The following ANO3 variants were observed in gnomAD, a reference collection of about 807,000 sequenced individuals.
The protein encoded by ANO3 is anoctamin 3.
In ANO3, 99 loss-of-function variants were observed where a neutral mutation model predicts 144.8. The observed-to-expected ratio is 0.68, with a 90% confidence interval of 0.58 to 0.81. The LOEUF is 0.81. ANO3 is among the 30% of genes least tolerant of loss of function. The probability of loss-of-function intolerance (pLI) is 0.00; values close to 1 mark genes in which losing one functional copy is unlikely to be tolerated. For synonymous variants in ANO3, 414 were observed against 392.6 expected (o/e 1.05, Z -0.64); for missense variants, 905 against 1,202.2 (o/e 0.75, Z 3.66).
chr11:26,604,373 T>C (rs750333687), intron 17 of ANO3, among the ~76,000 whole-genome samples: 36 of 152,176 alleles, frequency 2.4e-4, no homozygotes, highest in Non-Finnish European at 3.4e-4. Flanking sequence ...TCTTTTTGTT[T>C]AGGATTGTCT....
At chr11:26,629,676 G>A (rs1852710205) in intron 18 of ANO3, among the ~76,000 whole-genome samples, 1 of 152,002 alleles carries the variant, frequency 6.6e-6, no homozygotes, top group Non-Finnish European at 1.5e-5. Context: ...TTGTTGCCCA[G>A]GCTGGAAGGC....
chr11:26,229,262 T>G (rs1590204982), intron 1 of ANO3, among the ~76,000 whole-genome samples: 1 of 152,332 alleles, frequency 6.6e-6, no homozygotes, highest in East Asian at 1.9e-4. Flanking sequence ...AAACATGATG[T>G]GCAACACAAT....
intron 14 of ANO3, among the ~76,000 whole-genome samples, chr11:26,588,330 G>A (rs563817333): frequency 5.7e-5 from 2 of 34,938 alleles, no homozygotes; most frequent in South Asian, 2.9e-3. Context: ...CAATTTTTCT[G>A]TATACCTTTT....
intron 1 of ANO3, among the ~76,000 whole-genome samples, chr11:26,394,413 C>T (rs1000619342): frequency 6.6e-6 from 1 of 151,936 alleles, no homozygotes; most frequent in Non-Finnish European, 1.5e-5. Context: ...CCACAAAACT[C>T]TAATGCGGCT....
At chr11:26,374,169 CT>C (rs1856339799) in intron 1 of ANO3, among the ~76,000 whole-genome samples, 1 of 152,130 alleles carries the variant, frequency 6.6e-6, no homozygotes, top group Non-Finnish European at 1.5e-5. Flanking sequence ...GGTAGACTGT[CT>C]TAATATCTAT....
chr11:26,333,443 A>C (rs1352729604), intron 1 of ANO3, among the ~76,000 whole-genome samples: 1 of 151,802 alleles, frequency 6.6e-6, no homozygotes, highest in African/African-American at 2.4e-5. Flanking sequence ...CACCAAGCCC[A>C]GCTAATTTTT....
At chr11:26,565,873 G>C (rs199701796) in intron 14 of ANO3, 1 of 1,579,150 alleles carries the variant, frequency 6.3e-7, no homozygotes, top group African/African-American at 1.4e-5. Context: ...GGCTTCTTTG[G>C]TATTGGTTTT....
chr11:26,310,363 T>G (rs1475472296), intron 1 of ANO3, among the ~76,000 whole-genome samples: 1 of 152,186 alleles, frequency 6.6e-6, no homozygotes, highest in Non-Finnish European at 1.5e-5. Context: ...AATTACATTA[T>G]CAAGGTTAGA....
intron 1 of ANO3, among the ~76,000 whole-genome samples, chr11:26,261,768 T>G (rs940857322): frequency 3.3e-5 from 5 of 152,246 alleles, no homozygotes; most frequent in African/African-American, 1.2e-4. Context: ...TTCTGAAAAT[T>G]TAAGAGTAAT....
intron 1 of ANO3, among the ~76,000 whole-genome samples, chr11:26,211,265 A>T (rs1046247063): frequency 1.3e-5 from 2 of 152,146 alleles, no homozygotes; most frequent in African/African-American, 4.8e-5. Flanking sequence ...CTACTGGGTA[A>T]ATAACGAAAT....
At chr11:26,213,734 A>G (rs920997663) in intron 1 of ANO3, among the ~76,000 whole-genome samples, 1 of 152,138 alleles carries the variant, frequency 6.6e-6, no homozygotes, top group Admixed American at 6.6e-5. Context: ...TGCTATCCCC[A>G]TCAAGCTACC....
intron 14 of ANO3, among the ~76,000 whole-genome samples, chr11:26,577,231 G>A (rs1303034801): frequency 6.6e-6 from 1 of 152,158 alleles, no homozygotes; most frequent in Non-Finnish European, 1.5e-5. Flanking sequence ...CAGAAAAATT[G>A]TCAACTGAGA....
At chr11:26,448,299 CA>C (rs11401959) in intron 3 of ANO3, among the ~76,000 whole-genome samples, 52 of 132,456 alleles carry the variant, frequency 3.9e-4, no homozygotes, top group African/African-American at 6.0e-4. Context: ...AACTCCGTCT[CA>C]AAAAAAAAAA....
intron 4 of ANO3, among the ~76,000 whole-genome samples, chr11:26,479,097 G>A (rs533436360): frequency 1.3e-4 from 20 of 152,182 alleles, no homozygotes; most frequent in Non-Finnish European, 2.4e-4. Context: ...TATAATAGTA[G>A]AGTAAGAATC....
intron 1 of ANO3, among the ~76,000 whole-genome samples, chr11:26,291,738 C>T (rs1424981209): frequency 1.3e-5 from 2 of 152,192 alleles, no homozygotes; most frequent in African/African-American, 4.8e-5. Context: ...ATATTGGCCC[C>T]TACTCTCTTC....
intron 1 of ANO3, among the ~76,000 whole-genome samples, chr11:26,317,223 A>G (rs1854646857): frequency 6.6e-6 from 1 of 151,838 alleles, no homozygotes. Context: ...CAGAGTTCAG[A>G]CTCAAGGTCA....
chr11:26,430,117 C>T, intron 1 of ANO3, among the ~76,000 whole-genome samples: 1 of 151,882 alleles, frequency 6.6e-6, no homozygotes, highest in East Asian at 1.9e-4. Flanking sequence ...AAAGATTAAC[C>T]AGGCATGATG....
intron 1 of ANO3, among the ~76,000 whole-genome samples, chr11:26,225,548 G>A (rs1361252939): frequency 7.4e-6 from 1 of 134,876 alleles, no homozygotes; most frequent in Non-Finnish European, 1.7e-5. Flanking sequence ...TTTTTATATA[G>A]CAAGAATAGA....
intron 18 of ANO3, among the ~76,000 whole-genome samples, chr11:26,632,098 A>G (rs984761632): frequency 3.9e-5 from 6 of 151,994 alleles, no homozygotes; most frequent in Non-Finnish European, 8.8e-5. Context: ...AGGCTGAAGC[A>G]GAAGAATCTC....
Sources: allele counts gnomAD v4.1 joint callset (sites outside exome capture counted in the v4.1 genomes callset), GRCh38; gene constraint gnomAD v4.1.1; transcripts MANE v1.5; gene names NCBI Gene and HGNC (gene_info 2026-07-23, HGNC 2026-07-21).